Variants in COL24A1 observed in about 807,000 individuals in gnomAD.
The protein encoded by COL24A1 is collagen type XXIV alpha 1 chain.
In COL24A1, 224 loss-of-function variants were observed where a neutral mutation model predicts 253.9. The observed-to-expected ratio is 0.88, with a 90% CI of 0.79 to 0.99. The LOEUF (loss-of-function observed/expected upper bound fraction) is 0.99. COL24A1 is among the 50% of genes least tolerant of loss of function. The pLI is 0.00. For missense variants in COL24A1, 2,131 were observed against 2,068.5 expected (o/e 1.03, Z -0.59); for synonymous variants, 685 against 673.7 (o/e 1.02, Z -0.26).
intron 24 of COL24A1, among the ~76,000 whole-genome samples, chr1:85,937,835 C>T (rs925613480): frequency 6.8e-6 from 1 of 147,486 alleles, no homozygotes; most frequent in Non-Finnish European, 1.5e-5. Flanking sequence ...ATGACATATG[C>T]TTTGAAAATG....
At chr1:85,884,785 T>G (rs1026709549) in intron 32 of COL24A1, among the ~76,000 whole-genome samples, 1 of 152,214 alleles carries the variant, frequency 6.6e-6, no homozygotes, top group African/African-American at 2.4e-5. Context: ...CAGAGAATTC[T>G]AGGTGTTTTT....
At chr1:85,881,185 G>A (rs1466321857) in intron 32 of COL24A1, among the ~76,000 whole-genome samples, 1 of 152,122 alleles carries the variant, frequency 6.6e-6, no homozygotes, top group African/African-American at 2.4e-5. Flanking sequence ...TGTTTTAGAA[G>A]GTTATTAGTG....
At chr1:86,057,564 A>G (rs1295224131) in intron 10 of COL24A1, among the ~76,000 whole-genome samples, 1 of 152,184 alleles carries the variant, frequency 6.6e-6, no homozygotes, top group Non-Finnish European at 1.5e-5. Flanking sequence ...GTTTTTGTAT[A>G]ATAAAATGAT....
intron 47 of COL24A1, among the ~76,000 whole-genome samples, chr1:85,806,333 T>C (rs575946944): frequency 1.3e-5 from 2 of 152,252 alleles, no homozygotes; most frequent in South Asian, 2.1e-4. Context: ...CCACTACATA[T>C]AAGAACATAC....
chr1:85,819,992 C>A (rs747916195), intron 45 of COL24A1, among the ~76,000 whole-genome samples: 2 of 152,026 alleles, frequency 1.3e-5, no homozygotes, highest in Non-Finnish European at 2.9e-5. Context: ...GGATCACAGG[C>A]ATGCACCACC....
intron 19 of COL24A1, among the ~76,000 whole-genome samples, chr1:86,010,326 G>C (rs1198377000): frequency 6.6e-6 from 1 of 152,072 alleles, no homozygotes; most frequent in Non-Finnish European, 1.5e-5. Flanking sequence ...AAGGTAAAGG[G>C]CTAATTTCCC....
chr1:85,948,201 A>C (rs2103262576), intron 24 of COL24A1, among the ~76,000 whole-genome samples: 1 of 152,260 alleles, frequency 6.6e-6, no homozygotes, highest in Non-Finnish European at 1.5e-5. Flanking sequence ...TTAGTAACTA[A>C]ATTATTTACC....
chr1:85,766,301 G>A (rs902772442), intron 53 of COL24A1, among the ~76,000 whole-genome samples: 2 of 144,130 alleles, frequency 1.4e-5, no homozygotes, highest in Non-Finnish European at 3.0e-5. Flanking sequence ...ACCAGAAGGT[G>A]GAGGTTGCAG....
At chr1:85,870,160 A>T (rs867066120) in intron 35 of COL24A1, among the ~76,000 whole-genome samples, 43 of 152,334 alleles carry the variant, frequency 2.8e-4, no homozygotes, top group African/African-American at 8.7e-4. Flanking sequence ...TCCTAAATAT[A>T]CATGCACCCA....
Position 85,847,654 on chromosome 1 carries a change from C to G in COL24A1, c.3462+11G>C, listed in dbSNP as rs199548125. Reference sequence around the variant, plus strand: ...CAGTGACTCAATTCTGGAAGCAAGTCAAATACTGACCACAGCACCTCTAGT... The same window carrying G: ...CAGTGACTCAATTCTGGAAGCAAGTGAAATACTGACCACAGCACCTCTAGT... On this transcript the variant is annotated intron_variant, in intron 39 of 59. Transcript: ENST00000370571. The G allele has an allele frequency of 2.4e-4, 378 of 1,605,388 alleles. No homozygotes were observed. The East Asian group carries it at 6.3e-3, about 27-fold the overall frequency.
At chr1:85,747,277 C>G (rs1665337567) in intron 55 of COL24A1, among the ~76,000 whole-genome samples, 1 of 151,528 alleles carries the variant, frequency 6.6e-6, no homozygotes, top group African/African-American at 2.4e-5. Context: ...ACACACCCAG[C>G]TAATTTTTGT....
chr1:85,906,393 CA>C (rs1428038085), intron 28 of COL24A1, among the ~76,000 whole-genome samples: 1 of 150,542 alleles, frequency 6.6e-6, no homozygotes, highest in African/African-American at 2.4e-5. Flanking sequence ...CCCACATATC[CA>C]AATTAATTTA....
At chr1:85,885,377 G>GTGTATATA (rs532854596) in intron 32 of COL24A1, among the ~76,000 whole-genome samples, 2 of 135,960 alleles carry the variant, frequency 1.5e-5, no homozygotes, top group African/African-American at 2.7e-5. Flanking sequence ...ATTTTTGTGT[G>GTGTATATA]TATATATATA....
intron 7 of COL24A1, among the ~76,000 whole-genome samples, chr1:86,068,635 G>A (rs1701657018): frequency 6.6e-6 from 1 of 152,170 alleles, no homozygotes; most frequent in Non-Finnish European, 1.5e-5. Flanking sequence ...GGAGACAACA[G>A]CTGGCATGGC....
chr1:85,877,265 C>T (rs1159970819), intron 32 of COL24A1, 90 bp from the exon 33 acceptor site: 2 of 807,326 alleles, frequency 2.5e-6, no homozygotes, highest in Non-Finnish European at 3.8e-6. Context: ...TATAATATAA[C>T]ACATAACACA....
intron 24 of COL24A1, among the ~76,000 whole-genome samples, chr1:85,945,017 T>TGTTTTTTTG (rs1387801760): frequency 2.2e-5 from 2 of 92,732 alleles, no homozygotes; most frequent in African/African-American, 8.3e-5. Context: ...TTTTTTTTTT[T>TGTTTTTTTG]TTTTTTTTTT....
At chr1:86,076,265 A>T (rs1007410719) in intron 7 of COL24A1, among the ~76,000 whole-genome samples, 1 of 152,018 alleles carries the variant, frequency 6.6e-6, no homozygotes, top group Non-Finnish European at 1.5e-5. Flanking sequence ...CAAACAGCCA[A>T]ATCATGAGTG....
At chr1:85,988,040 C>T (rs1198539479) in intron 19 of COL24A1, among the ~76,000 whole-genome samples, 1 of 151,432 alleles carries the variant, frequency 6.6e-6, no homozygotes, top group East Asian at 1.9e-4. Flanking sequence ...TCACTATTTA[C>T]TAACTACATG....
rs559211562 is a variant in COL24A1 at position 85,945,208 on chromosome 1, G to T, written c.2562+16041C>A. ...AATTTTTTGTATTTTTAGTAGAGATGGGGTTTCACCGTGTTAGCCAGGATG... is the reference window on the plus strand; with the variant it reads ...AATTTTTTGTATTTTTAGTAGAGATTGGGTTTCACCGTGTTAGCCAGGATG... On this transcript the variant is annotated intron_variant, in intron 24 of 59. Transcript: ENST00000370571. Among the ~76,000 whole-genome samples, 458 of 150,606 alleles carry T rather than the reference G, an allele frequency of 3.0e-3. 3 individuals carry two copies. The highest frequency in any genetic ancestry group is 3.4e-3 in the Middle Eastern group (1 of 290).
Sources: gnomAD v4.1 joint callset for allele counts (sites outside exome capture counted in the v4.1 genomes callset) on GRCh38, gnomAD v4.1.1 for gene constraint, MANE v1.5 for transcripts, NCBI Gene and HGNC (gene_info 2026-07-23, HGNC 2026-07-21) for gene names.